Variants in GANC observed in about 807,000 individuals in gnomAD.
GANC encodes neutral alpha-glucosidase C.
GANC carries 117 observed loss-of-function variants against 124.2 expected under a neutral mutation model. That is an observed-to-expected ratio of 0.94 (90% CI 0.81 to 1.10). The LOEUF is 1.10. Among genes scored for constraint, GANC ranks in the 50% least tolerant of loss-of-function variants. GANC has a pLI of 0.00. For synonymous variants in GANC, 377 were observed against 376.8 expected (o/e 1.00, Z -0.01); for missense variants, 1,140 against 1,095.0 (o/e 1.04, Z -0.58).
At chr15:42,295,333 T>A (rs2141029591) in intron 5 of GANC, among the ~76,000 whole-genome samples, 1 of 152,142 alleles carries the variant, frequency 6.6e-6, no homozygotes, top group South Asian at 2.1e-4. Flanking sequence ...GTAGCTATAG[T>A]TCCATGATTT....
rs367999664 is a variant in GANC at position 42,321,912 on chromosome 15, G to A, written c.1185G>A (p.Met395Ile). 1.9e-6 allele frequency: 3 copies of A among 1,614,100 alleles called. No homozygotes were observed. Among genetic ancestry groups the A allele is most frequent in the Middle Eastern group, 1.6e-4 (1 of 6,084 alleles). Residue 395 changes from methionine (M) to isoleucine (I), a missense_variant, in exon 11 of 24, where the codon ATG becomes ATA. Physicochemically the swap from Met to Ile is conservative, Grantham distance 10. Coordinates refer to ENST00000318010, the MANE Select transcript of GANC (RefSeq NM_198141.3). ...AGCATGACATTCCTTATGATGCCAT[G>A]TGGCTGGACATAGAGCACACTGAGG... ...FDEHDIPYDA[M>I]WLDIEHTEGK...
chr15:42,351,916 G>A, intron 23 of GANC, 114 bp from the exon 24 acceptor site: 1 of 1,295,480 alleles, frequency 7.7e-7, no homozygotes, highest in Non-Finnish European at 1.1e-6. Flanking sequence ...TATTAATTTG[G>A]AGTGGGGTAT....
chr15:42,301,073 T>C (rs988488491), intron 6 of GANC, among the ~76,000 whole-genome samples: 11 of 151,212 alleles, frequency 7.3e-5, no homozygotes, highest in African/African-American at 2.4e-4. Flanking sequence ...GCTGGCAAGA[T>C]GGCTGAATAG....
At chr15:42,303,333 C>A (rs1407366458) in intron 6 of GANC, among the ~76,000 whole-genome samples, 4 of 152,160 alleles carry the variant, frequency 2.6e-5, no homozygotes, top group Non-Finnish European at 5.9e-5. Context: ...CCAGGCCTGC[C>A]TTGCAAGAGG....
intron 10 of GANC, among the ~76,000 whole-genome samples, chr15:42,312,466 C>T (rs539602914): frequency 1.3e-5 from 2 of 152,302 alleles, no homozygotes; most frequent in African/African-American, 4.8e-5. Context: ...GAAGATGTGA[C>T]ATGCTCCTCC....
intron 18 of GANC, among the ~76,000 whole-genome samples, chr15:42,341,582 T>A (rs1199483632): frequency 1.4e-5 from 2 of 148,052 alleles, no homozygotes; most frequent in East Asian, 3.9e-4. Flanking sequence ...TTTTTTTTTT[T>A]AAATGGAGCC....
intron 10 of GANC, among the ~76,000 whole-genome samples, chr15:42,318,498 A>G (rs1427965963): frequency 6.6e-6 from 1 of 152,162 alleles, no homozygotes; most frequent in African/African-American, 2.4e-5. Flanking sequence ...TATATAATCT[A>G]TCTTTTCTCT....
chr15:42,311,108 C>T (rs1290399564), intron 10 of GANC, among the ~76,000 whole-genome samples: 2 of 152,180 alleles, frequency 1.3e-5, no homozygotes, highest in African/African-American at 2.4e-5. Context: ...GCTATCTCTA[C>T]CTTTATCTCA....
chr15:42,342,981 T>C, intron 18 of GANC, 97 bp from the exon 19 acceptor site: 1 of 950,298 alleles, frequency 1.1e-6, no homozygotes. Context: ...AGCTGGGAGG[T>C]CTGTAACACC....
At chr15:42,305,243 G>T (rs2051982822) in intron 6 of GANC, among the ~76,000 whole-genome samples, 1 of 151,920 alleles carries the variant, frequency 6.6e-6, no homozygotes, top group Non-Finnish European at 1.5e-5. Flanking sequence ...GAATCTACAA[G>T]GAACTTAAAA....
At chr15:42,310,992 TCC>T (rs1255381120) in intron 10 of GANC, 146 bp downstream of exon 10, 1 of 856,820 alleles carries the variant, frequency 1.2e-6, no homozygotes, top group Non-Finnish European at 1.8e-6. Context: ...TCTGTTCCCA[TCC>T]TCATCCCATT....
chr15:42,349,671 TCTCA>T (rs2052405586), intron 22 of GANC, among the ~76,000 whole-genome samples, 176 bp downstream of exon 22: 1 of 151,804 alleles, frequency 6.6e-6, no homozygotes, highest in African/African-American at 2.4e-5. Flanking sequence ...TGAGACAGAG[TCTCA>T]CTCACTCTGT....
At position 42,352,197 on chromosome 15, in the gene GANC, C is replaced by A; in HGVS notation, c.*58C>A. 1 of 1,594,006 alleles carries A rather than the reference C, an allele frequency of 6.3e-7. No homozygotes were observed. The highest frequency in any genetic ancestry group is 1.1e-5 in the South Asian group (1 of 88,428). On this transcript the variant is annotated 3_prime_UTR_variant, in exon 24 of 24. Transcript: ENST00000318010. ...CCTGCCTGCCCCTTTCAACCTTTCC[C>A]CTCACCTTTTTTGAGATTTTTGCTG... is the stretch of plus-strand genomic sequence containing the variant.
rs79982482 is a variant in GANC at position 42,352,697 on chromosome 15, C to T, written c.*558C>T. On this transcript the variant is annotated 3_prime_UTR_variant, in exon 24 of 24. Transcript: ENST00000318010. ...TCCCCTAGAGATCGACTTGGCAGCA[C>T]GAAGGATTCTTTTCTCTTTCATGCT... The T allele has an allele frequency of 2.4e-3, 2,367 of 985,788 alleles. 47 individuals are homozygous for T. The African/African-American group carries it at 0.038, about 16-fold the overall frequency. 61.1% of individuals were successfully genotyped at this position (985,788 alleles called of 1,614,324 possible).
intron 6 of GANC, among the ~76,000 whole-genome samples, chr15:42,299,535 A>G (rs200034531): frequency 6.6e-6 from 1 of 152,132 alleles, no homozygotes; most frequent in Non-Finnish European, 1.5e-5. Flanking sequence ...ACTGCCCAAA[A>G]TAATTTATAG....
Position 42,273,734 on chromosome 15 carries a change from C to A in GANC, c.-748C>A, listed in dbSNP as rs1328434504. 3 of 299,234 alleles carry A rather than the reference C, an allele frequency of 1.0e-5. No homozygotes were observed. The highest frequency in any genetic ancestry group is 2.0e-5 in the Non-Finnish European group (3 of 153,086). The allele number at this position is 299,234 out of a possible 1,614,324, so 18.5% of individuals were successfully genotyped here. A position where few individuals can be genotyped will look rare whatever the true frequency, so the allele number is the denominator to read the frequency against. On this transcript the variant is annotated 5_prime_UTR_variant, in exon 1 of 24. Coordinates refer to ENST00000318010, the MANE Select transcript of GANC (RefSeq NM_198141.3). ...CAGGATTTGGCTCTCTACTTCCGCT[C>A]GCCCCAGCCCTTCATCCCTTCTAAG...
chr15:42,282,218 G>A (rs2051740898), intron 3 of GANC, among the ~76,000 whole-genome samples: 1 of 152,162 alleles, frequency 6.6e-6, no homozygotes, highest in African/African-American at 2.4e-5. Context: ...CTACTCAGGA[G>A]GCTGAGGCAG....
chr15:42,320,742 C>G (rs753352517), intron 10 of GANC, among the ~76,000 whole-genome samples: 4 of 151,792 alleles, frequency 2.6e-5, no homozygotes, highest in Non-Finnish European at 5.9e-5. Flanking sequence ...AGCCACCACA[C>G]CTGCCTCCAT....
chr15:42,299,188 T>C (rs936945921), intron 6 of GANC, among the ~76,000 whole-genome samples: 16 of 152,234 alleles, frequency 1.1e-4, no homozygotes, highest in African/African-American at 3.9e-4. Context: ...CAGTGTGATA[T>C]TGGCTGTGGG....
Sources: allele counts gnomAD v4.1 joint callset (sites outside exome capture counted in the v4.1 genomes callset), GRCh38; gene constraint gnomAD v4.1.1; transcripts MANE v1.5; gene names NCBI Gene and HGNC (gene_info 2026-07-23, HGNC 2026-07-21).